Variants in TULP4 observed in about 807,000 individuals in gnomAD.
The protein encoded by TULP4 is TUB like protein 4.
In TULP4, 16 loss-of-function variants were observed where a neutral mutation model predicts 129.0. The ratio of observed to expected loss-of-function variants is 0.12; its 90% CI spans 0.08 to 0.19. The LOEUF is 0.19. Ranked by LOEUF, TULP4 falls within the 10% of genes least tolerant of loss-of-function variation. The pLI is 1.00. For missense variants in TULP4, 1,842 were observed against 2,059.1 expected (o/e 0.89, Z 2.04); for synonymous variants, 998 against 854.0 (o/e 1.17, Z -2.94).
In TULP4 at chr6:158,481,040, T is replaced by A; in HGVS notation, c.1252-15T>A. The A allele has an allele frequency of 6.5e-7, 1 of 1,541,130 alleles. No individual in the cohort carries two copies. Among genetic ancestry groups the A allele is most frequent in the South Asian group, 1.3e-5 (1 of 79,838 alleles). On this transcript the variant is annotated splice_polypyrimidine_tract_variant and intron_variant, in intron 7 of 13. Coordinates refer to ENST00000367097, the MANE Select transcript of TULP4 (RefSeq NM_020245.5). The stretch of plus-strand genomic sequence containing the variant: ...CTGGAGTCCCAGCTCTTCATTTTCT[T>A]CCTGTATCCTCCAGCCCCCAATTCC...
At chr6:158,334,290 G>T (rs1327885428) in intron 1 of TULP4, among the ~76,000 whole-genome samples, 2 of 152,208 alleles carry the variant, frequency 1.3e-5, no homozygotes, top group African/African-American at 4.8e-5. Flanking sequence ...CAGGTCTGCA[G>T]CTGGGGTGGC....
At chr6:158,486,428 A>ACC (rs1562586887) in intron 8 of TULP4, among the ~76,000 whole-genome samples, 14 of 152,116 alleles carry the variant, frequency 9.2e-5, no homozygotes, top group East Asian at 3.9e-4. Flanking sequence ...TGGCGGGTGC[A>ACC]TGTAGTCCCA....
intron 1 of TULP4, among the ~76,000 whole-genome samples, chr6:158,271,075 A>G (rs901277168): frequency 6.6e-6 from 1 of 150,470 alleles, no homozygotes; most frequent in Non-Finnish European, 1.5e-5. Context: ...GCTTGAACCC[A>G]GGAGGTGGAG....
chr6:158,247,036 A>G (rs796848043), intron 1 of TULP4, among the ~76,000 whole-genome samples: 1 of 152,220 alleles, frequency 6.6e-6, no homozygotes, highest in Non-Finnish European at 1.5e-5. Flanking sequence ...GAGCTTTGCA[A>G]AAGATACACA....
At chr6:158,261,713 G>C (rs3938448) in intron 1 of TULP4, among the ~76,000 whole-genome samples, 2 of 152,104 alleles carry the variant, frequency 1.3e-5, no homozygotes, top group East Asian at 1.9e-4. Context: ...TTCATGTAGC[G>C]GTCTGGAGGC....
intron 3 of TULP4, among the ~76,000 whole-genome samples, chr6:158,438,718 G>A (rs1385729601): frequency 6.6e-6 from 1 of 151,922 alleles, no homozygotes; most frequent in African/African-American, 2.4e-5. Context: ...CTGAGTAGCT[G>A]GGATTACAGG....
intron 1 of TULP4, among the ~76,000 whole-genome samples, chr6:158,358,597 G>C (rs1393830137): frequency 2.0e-5 from 3 of 152,090 alleles, no homozygotes; most frequent in African/African-American, 4.8e-5. Context: ...ATCCTCTATA[G>C]GCTGGTTACA....
intron 3 of TULP4, among the ~76,000 whole-genome samples, chr6:158,431,283 G>C (rs1362842324): frequency 6.6e-6 from 1 of 152,054 alleles, no homozygotes; most frequent in African/African-American, 2.4e-5. Flanking sequence ...ATTATTTCCT[G>C]CCTAATCCCC....
Position 158,503,045 on chromosome 6 carries a change from C to T in TULP4, c.3382C>T (p.Leu1128=). The T allele has an allele frequency of 6.2e-7, 1 of 1,614,164 alleles. No homozygotes were observed. Among genetic ancestry groups the T allele is most frequent in the Admixed American group, 1.7e-5 (1 of 60,030 alleles). The change falls in exon 13 of 14, where the codon CTG becomes TTG. Residue 1128 remains leucine (L), a synonymous_variant. Coordinates refer to ENST00000367097, the MANE Select transcript of TULP4 (RefSeq NM_020245.5). This position sits in a 1 kb window ranked among gnomAD's most constrained non-coding sequence, Gnocchi z 4.3. ...RPPPYQWDPM[L]GEDVWVPQER... is the part of the protein sequence containing the mutation. ...ACCCCCTTACCAGTGGGACCCCATG[C>T]TGGGTGAGGATGTTTGGGTTCCTCA...
intron 6 of TULP4, among the ~76,000 whole-genome samples, chr6:158,466,148 C>A (rs1457920494): frequency 6.6e-6 from 1 of 152,162 alleles, no homozygotes; most frequent in Non-Finnish European, 1.5e-5. Flanking sequence ...ACCTAAATTC[C>A]AGATGGGAGG....
At position 158,503,548 on chromosome 6, in the gene TULP4, A is replaced by G. The variant is rs1270739397; in HGVS notation, c.3885A>G (p.Pro1295=). 2 of 1,613,820 alleles carry G rather than the reference A, an allele frequency of 1.2e-6. No homozygotes were observed. Among genetic ancestry groups the G allele is most frequent in the African/African-American group, 2.7e-5 (2 of 74,904 alleles). The change falls in exon 13 of 14, where the codon CCA becomes CCG. Residue 1295 remains proline (P), a synonymous_variant. Transcript: ENST00000367097. The surrounding 1 kb of genome is among the most constrained non-coding windows in gnomAD (Gnocchi z 4.3). ...LVVEKPLVSP[P]PADLQSHLGT... is the part of the protein sequence containing the mutation. Reference sequence around the variant, plus strand: ...TGGAGAAGCCCCTTGTGTCCCCACCACCTGCCGACCTCCAAAGCCACTTGG... The same window carrying G: ...TGGAGAAGCCCCTTGTGTCCCCACCGCCTGCCGACCTCCAAAGCCACTTGG...
At chr6:158,474,322 G>A (rs1554294905) in intron 6 of TULP4, among the ~76,000 whole-genome samples, 1 of 152,194 alleles carries the variant, frequency 6.6e-6, no homozygotes, top group Non-Finnish European at 1.5e-5. Context: ...CGGGTAGCCA[G>A]TCCTCAGCCC....
intron 1 of TULP4, among the ~76,000 whole-genome samples, chr6:158,351,257 T>C (rs2114800580): frequency 6.6e-6 from 1 of 152,302 alleles, no homozygotes; most frequent in East Asian, 1.9e-4. Flanking sequence ...AGCCCATTCT[T>C]TTAGTGCAGA....
chr6:158,315,681 A>T (rs1295644690), intron 1 of TULP4, among the ~76,000 whole-genome samples: 1 of 152,178 alleles, frequency 6.6e-6, no homozygotes, highest in Non-Finnish European at 1.5e-5. Context: ...ATCCATAAAC[A>T]ACAGAAATTT....
intron 1 of TULP4, among the ~76,000 whole-genome samples, chr6:158,407,827 T>TA (rs1778002817): frequency 6.6e-6 from 1 of 152,048 alleles, no homozygotes; most frequent in African/African-American, 2.4e-5. Context: ...TGGAGGGAAA[T>TA]ATTGTGGGGT....
chr6:158,299,635 A>G (rs1383837292), intron 1 of TULP4, among the ~76,000 whole-genome samples: 1 of 152,192 alleles, frequency 6.6e-6, no homozygotes, highest in African/African-American at 2.4e-5. Context: ...TATAACCCAT[A>G]GTAACATTAA....
intron 1 of TULP4, among the ~76,000 whole-genome samples, chr6:158,384,712 C>T (rs1019513887): frequency 1.3e-5 from 2 of 152,184 alleles, no homozygotes; most frequent in Admixed American, 1.3e-4. Context: ...GACATTATAA[C>T]CCCAACTAGG....
chr6:158,362,534 G>C (rs970017493), intron 1 of TULP4, among the ~76,000 whole-genome samples: 15 of 152,234 alleles, frequency 9.9e-5, no homozygotes, highest in African/African-American at 3.4e-4. Context: ...ATTTTTTATA[G>C]AGACAGGGTC....
intron 1 of TULP4, among the ~76,000 whole-genome samples, chr6:158,369,167 T>C (rs1348332047): frequency 6.6e-6 from 1 of 152,196 alleles, no homozygotes; most frequent in Non-Finnish European, 1.5e-5. Flanking sequence ...ACAGGGAATG[T>C]CATTTTACAA....
Sources: allele counts gnomAD v4.1 joint callset (sites outside exome capture counted in the v4.1 genomes callset), GRCh38; gene constraint gnomAD v4.1.1; non-coding constraint Gnocchi (gnomAD v3.1); transcripts MANE v1.5; gene names NCBI Gene and HGNC (gene_info 2026-07-23, HGNC 2026-07-21).